Variants in PPP2R2C observed in about 807,000 individuals in gnomAD.
The protein encoded by PPP2R2C is protein phosphatase 2, regulatory subunit B, gamma.
PPP2R2C carries 10 observed loss-of-function variants against 45.3 expected under a neutral mutation model. That is an observed-to-expected ratio of 0.22 (90% CI 0.14 to 0.37). The LOEUF is 0.37. Ranked by LOEUF, PPP2R2C falls within the 10% of genes least tolerant of loss-of-function variation. PPP2R2C has a pLI of 1.00. For missense variants in PPP2R2C, 308 were observed against 619.7 expected (o/e 0.50, Z 5.34); for synonymous variants, 257 against 245.4 (o/e 1.05, Z -0.44).
chr4:6,531,003 G>T (rs1724378018), intron 2 of PPP2R2C, among the ~76,000 whole-genome samples: 1 of 152,196 alleles, frequency 6.6e-6, no homozygotes, highest in Non-Finnish European at 1.5e-5. Flanking sequence ...ATGGGTGTGT[G>T]GAGGGGAGGA....
chr4:6,535,308 C>G (rs1279596311), exon 2 of PPP2R2C: 1 of 1,535,400 alleles, frequency 6.5e-7, no homozygotes, highest in Admixed American at 2.0e-5. Context: ...TCAACGTGTC[C>G]GCCTCACGCA....
intron 1 of PPP2R2C, chr4:6,382,373 C>T (rs1415198088): frequency 4.3e-5 from 58 of 1,343,106 alleles, no homozygotes; most frequent in Non-Finnish European, 5.4e-5. Context: ...CTGACCGTTG[C>T]TCCCTGTAGC....
At chr4:6,367,625 G>A (rs9993862) in intron 5 of PPP2R2C, among the ~76,000 whole-genome samples, 2,323 of 152,228 alleles carry the variant, frequency 0.015, 63 homozygotes, top group African/African-American at 0.053. Flanking sequence ...GAAATGAAAC[G>A]CCTCCTCTCA....
intron 1 of PPP2R2C, among the ~76,000 whole-genome samples, chr4:6,430,627 A>G (rs891551999): frequency 2.0e-5 from 3 of 152,122 alleles, no homozygotes; most frequent in African/African-American, 7.2e-5. Flanking sequence ...CCTCCTTTCA[A>G]CAGCTTTGCA....
In PPP2R2C at chr4:6,345,093, T is replaced by C. The variant is rs1041354368; in HGVS notation, c.790+2753A>G. Among the ~76,000 whole-genome samples, 2 of 152,230 alleles carry C rather than the reference T, an allele frequency of 1.3e-5. No individual in the cohort carries two copies. Among genetic ancestry groups the C allele is most frequent in the African/African-American group, 2.4e-5 (1 of 41,456 alleles). ...ATCTTAGCATTTAAGATTGGGATAT[T>C]GAGGATGTTTCTGGATTTCCACCCC... On this transcript the variant is annotated intron_variant, in intron 6 of 8. Coordinates refer to ENST00000382599, the MANE Select transcript of PPP2R2C (RefSeq NM_020416.4). The surrounding 1 kb of genome is among the most constrained non-coding windows in gnomAD (Gnocchi z 5.3).
chr4:6,403,930 C>G (rs1167541647), intron 1 of PPP2R2C, among the ~76,000 whole-genome samples: 2 of 152,046 alleles, frequency 1.3e-5, no homozygotes, highest in African/African-American at 4.8e-5. Context: ...GCCATTTCAC[C>G]CGTCACTGTC....
intron 5 of PPP2R2C, among the ~76,000 whole-genome samples, chr4:6,355,818 C>G (rs1315694746): frequency 2.9e-5 from 4 of 139,622 alleles, no homozygotes; most frequent in Non-Finnish European, 4.7e-5. Context: ...TGATGAAACC[C>G]TGACTCTACT....
chr4:6,511,593 GGTGATGGGGGTGGT>G (rs1201072759), intron 2 of PPP2R2C, among the ~76,000 whole-genome samples: 9,493 of 52,500 alleles, frequency 0.18, 3,831 homozygotes, highest in Non-Finnish European at 0.25. Context: ...TGGTGGTGGT[GGTGATGGGGGTGGT>G]GGTGGTGGTG....
chr4:6,504,924 C>T (rs1723171348), intron 2 of PPP2R2C, among the ~76,000 whole-genome samples: 1 of 152,088 alleles, frequency 6.6e-6, no homozygotes, highest in African/African-American at 2.4e-5. Context: ...GAAACACATA[C>T]ATTTCCAGAT....
chr4:6,396,891 A>G (rs1004081197), intron 1 of PPP2R2C, among the ~76,000 whole-genome samples: 1 of 152,214 alleles, frequency 6.6e-6, no homozygotes, highest in Non-Finnish European at 1.5e-5. Flanking sequence ...GGCTCAAAAC[A>G]TTCCTAAAAA....
intron 1 of PPP2R2C, among the ~76,000 whole-genome samples, chr4:6,545,309 G>A (rs941548486): frequency 8.5e-5 from 13 of 152,190 alleles, no homozygotes; most frequent in African/African-American, 3.1e-4. Flanking sequence ...TAGTAGCAGT[G>A]GAGCTCAAAA....
intron 5 of PPP2R2C, among the ~76,000 whole-genome samples, chr4:6,369,889 C>T (rs1041366570): frequency 3.9e-5 from 6 of 152,112 alleles, no homozygotes; most frequent in African/African-American, 1.5e-4. Context: ...TCCCCATGTC[C>T]CTAGGGCTCA....
chr4:6,456,667 G>A (rs1721055784), intron 1 of PPP2R2C, among the ~76,000 whole-genome samples: 1 of 152,208 alleles, frequency 6.6e-6, no homozygotes, highest in African/African-American at 2.4e-5. Context: ...TGAACGCAGT[G>A]GAGGGGGAGC....
At chr4:6,490,237 G>C (rs374759024) in intron 2 of PPP2R2C, among the ~76,000 whole-genome samples, 1 of 152,118 alleles carries the variant, frequency 6.6e-6, no homozygotes, top group South Asian at 2.1e-4. Context: ...TCCTGGGAGC[G>C]CTCATCTGGG....
At chr4:6,351,105 G>C (rs1007958302) in intron 5 of PPP2R2C, 4 of 792,740 alleles carry the variant, frequency 5.0e-6, no homozygotes, top group African/African-American at 3.8e-5. Context: ...AGGAGTTCGA[G>C]ACCAGCCTGA....
chr4:6,531,335 T>G (rs994044399), intron 2 of PPP2R2C, among the ~76,000 whole-genome samples: 3 of 152,028 alleles, frequency 2.0e-5, no homozygotes, highest in African/African-American at 7.2e-5. Flanking sequence ...GGAAAGGACG[T>G]CAGAGCCAAC....
chr4:6,381,772 C>G, intron 1 of PPP2R2C: 1 of 1,611,730 alleles, frequency 6.2e-7, no homozygotes, highest in Non-Finnish European at 8.5e-7. Context: ...GAGTCACCCC[C>G]ATACCTGGAG....
intron 1 of PPP2R2C, among the ~76,000 whole-genome samples, chr4:6,394,596 C>T (rs1716889151): frequency 6.6e-6 from 1 of 152,206 alleles, no homozygotes; most frequent in African/African-American, 2.4e-5. Flanking sequence ...AAGAGTCACC[C>T]CTGCCGCAGG....
At chr4:6,356,318 C>T (rs1460520448) in intron 5 of PPP2R2C, among the ~76,000 whole-genome samples, 1 of 152,236 alleles carries the variant, frequency 6.6e-6, no homozygotes, top group African/African-American at 2.4e-5. Flanking sequence ...CATCCAATCC[C>T]CTCTGCCTTC....
Sources: allele counts gnomAD v4.1 joint callset (sites outside exome capture counted in the v4.1 genomes callset), GRCh38; gene constraint gnomAD v4.1.1; non-coding constraint Gnocchi (gnomAD v3.1); transcripts MANE v1.5; gene names NCBI Gene and HGNC (gene_info 2026-07-23, HGNC 2026-07-21).